RBFOX1: variants seen among roughly 807,000 people sequenced by gnomAD.
RBFOX1 encodes the protein RNA binding fox-1 homolog 1, also known as RNA binding protein fox-1 homolog 1.
RBFOX1 carries 8 observed loss-of-function variants against 57.7 expected under a neutral mutation model. That is an observed-to-expected ratio of 0.14 (90% CI 0.08 to 0.25). The LOEUF (loss-of-function observed/expected upper bound fraction) is 0.25, where lower values mean the gene tolerates loss of function less well. Among genes scored for constraint, RBFOX1 ranks in the 10% least tolerant of loss-of-function variants. The pLI, the probability that RBFOX1 is intolerant of heterozygous loss-of-function variation, is 1.00. For missense variants in RBFOX1, 611 were observed against 548.5 expected (o/e 1.11, Z -1.14); for synonymous variants, 326 against 222.4 (o/e 1.47, Z -4.15).
At chr16:7,252,446 T>C (rs1433930917) in intron 4 of RBFOX1, among the ~76,000 whole-genome samples, 2 of 152,254 alleles carry the variant, frequency 1.3e-5, no homozygotes, top group African/African-American at 4.8e-5. Context: ...GCTGTCTTTT[T>C]GCTGTTTCAT....
At chr16:5,392,884 T>G (rs1466540203) in intron 1 of RBFOX1, among the ~76,000 whole-genome samples, 1 of 152,160 alleles carries the variant, frequency 6.6e-6, no homozygotes, top group Non-Finnish European at 1.5e-5. Context: ...TTCAGAATCT[T>G]TACATCCTGG....
At chr16:6,640,056 A>G (rs1283363492) in intron 2 of RBFOX1, among the ~76,000 whole-genome samples, 1 of 152,192 alleles carries the variant, frequency 6.6e-6, no homozygotes, top group Admixed American at 6.5e-5. Context: ...TAAAGAACAG[A>G]TAAGTTGCTG....
intron 2 of RBFOX1, among the ~76,000 whole-genome samples, chr16:6,467,076 C>G (rs145068798): frequency 0.028 from 4,197 of 150,442 alleles, 101 homozygotes; most frequent in Middle Eastern, 0.064. Flanking sequence ...ATTTAATATA[C>G]TAACCATTTA....
At chr16:6,810,692 C>T (rs1203730146) in intron 3 of RBFOX1, among the ~76,000 whole-genome samples, 1 of 152,070 alleles carries the variant, frequency 6.6e-6, no homozygotes. Flanking sequence ...TGGAAACGTA[C>T]AATCACGGTG....
chr16:6,987,456 G>GACACAC lies in RBFOX1; in HGVS notation c.-15-64557_-15-64552dup, dbSNP rs199503873. On this transcript the variant is annotated intron_variant, in intron 3 of 15. Coordinates refer to ENST00000550418, the MANE Select transcript of RBFOX1 (RefSeq NM_018723.4). ...CAGGACAGCAACAGAAAACTTTTCA[G>GACACAC]ACACACACACACACACACACACACA... Among the ~76,000 whole-genome samples, 944 of 135,462 alleles carry GACACAC rather than the reference G, an allele frequency of 7.0e-3. 10 individuals carry two copies. Among genetic ancestry groups the GACACAC allele is most frequent in the Admixed American group, 8.1e-3 (106 of 13,008 alleles). 88.9% of individuals were successfully genotyped at this position (135,462 alleles called of 152,430 possible).
intron 2 of RBFOX1, among the ~76,000 whole-genome samples, chr16:6,477,745 T>C (rs1009080069): frequency 1.3e-5 from 2 of 152,196 alleles, no homozygotes; most frequent in African/African-American, 4.8e-5. Context: ...AAGTTATAGA[T>C]ACCATCTTCT....
chr16:5,331,402 C>T (rs1251268939), intron 1 of RBFOX1, among the ~76,000 whole-genome samples: 1 of 152,194 alleles, frequency 6.6e-6, no homozygotes, highest in Non-Finnish European at 1.5e-5. Flanking sequence ...CTGATCTTGG[C>T]TAGACTCATT....
intron 3 of RBFOX1, among the ~76,000 whole-genome samples, chr16:6,908,793 C>G (rs150858752): frequency 2.8e-4 from 43 of 152,258 alleles, no homozygotes; most frequent in African/African-American, 9.6e-4. Flanking sequence ...TCTCTCTGCC[C>G]AGTTACCTCA....
At chr16:7,494,740 A>G (rs1253905710) in intron 4 of RBFOX1, among the ~76,000 whole-genome samples, 3 of 151,136 alleles carry the variant, frequency 2.0e-5, no homozygotes, top group African/African-American at 4.9e-5. Flanking sequence ...AGGCCTTCTG[A>G]GTCTGGAAGT....
chr16:7,174,562 C>T (rs2152479040), intron 4 of RBFOX1, among the ~76,000 whole-genome samples: 1 of 152,304 alleles, frequency 6.6e-6, no homozygotes, highest in South Asian at 2.1e-4. Flanking sequence ...AGGCCAATCA[C>T]TTGAGGTCAG....
intron 3 of RBFOX1, among the ~76,000 whole-genome samples, chr16:6,823,482 A>C (rs967948804): frequency 6.6e-5 from 10 of 151,982 alleles, no homozygotes; most frequent in African/African-American, 2.4e-4. Flanking sequence ...GTCTCAAACT[A>C]CTGGTCTCAG....
intron 3 of RBFOX1, among the ~76,000 whole-genome samples, chr16:5,849,681 C>A (rs117996088): frequency 1.3e-5 from 2 of 152,084 alleles, no homozygotes; most frequent in African/African-American, 4.8e-5. Context: ...CCCCTCACTC[C>A]GAGGCATCGG....
At chr16:5,904,794 A>C (rs1271370956) in intron 4 of RBFOX1, among the ~76,000 whole-genome samples, 1 of 151,496 alleles carries the variant, frequency 6.6e-6, no homozygotes, top group East Asian at 2.0e-4. Flanking sequence ...TGGCTAACAC[A>C]GTGAAACCCT....
intron 2 of RBFOX1, among the ~76,000 whole-genome samples, chr16:6,411,803 T>A (rs957971094): frequency 6.6e-6 from 1 of 152,208 alleles, no homozygotes; most frequent in Non-Finnish European, 1.5e-5. Flanking sequence ...AGTTTTCAGA[T>A]GAAGTGATTA....
intron 2 of RBFOX1, among the ~76,000 whole-genome samples, chr16:6,535,434 C>G (rs1415646532): frequency 3.6e-4 from 1 of 2,770 alleles, no homozygotes; most frequent in Non-Finnish European, 0.016. Context: ...AGAAAAGAAC[C>G]CCTATGCATT....
chr16:6,291,353 G>C (rs1427079182), intron 1 of RBFOX1, among the ~76,000 whole-genome samples: 1 of 152,208 alleles, frequency 6.6e-6, no homozygotes, highest in Non-Finnish European at 1.5e-5. Context: ...TGAGAGCCGT[G>C]AGTTCTCTTG....
At chr16:7,051,431 G>A (rs2050035589) in intron 3 of RBFOX1, among the ~76,000 whole-genome samples, 1 of 152,188 alleles carries the variant, frequency 6.6e-6, no homozygotes, top group Non-Finnish European at 1.5e-5. Context: ...TTAATGCATG[G>A]CATATGTATT....
At chr16:6,369,717 T>C (rs2090157561) in intron 2 of RBFOX1, among the ~76,000 whole-genome samples, 2 of 152,218 alleles carry the variant, frequency 1.3e-5, no homozygotes, top group Admixed American at 1.3e-4. Context: ...TCTATGTACG[T>C]AAATACACAT....
intron 3 of RBFOX1, among the ~76,000 whole-genome samples, chr16:7,040,908 T>C (rs558984302): frequency 3.5e-5 from 3 of 86,680 alleles, no homozygotes; most frequent in South Asian, 5.0e-4. Context: ...TTTTGTTTTT[T>C]TGTTTTTTTG....
Sources: gnomAD v4.1 joint callset for allele counts (sites outside exome capture counted in the v4.1 genomes callset) on GRCh38, gnomAD v4.1.1 for gene constraint, MANE v1.5 for transcripts, NCBI Gene and HGNC (gene_info 2026-07-23, HGNC 2026-07-21) for gene names.